The following TRPV4 variants were observed in gnomAD, a reference collection of about 807,000 sequenced individuals.
TRPV4 encodes OSM9-like transient receptor potential channel 4.
Under a neutral mutation model 84.1 loss-of-function variants are expected in TRPV4, and 58 were observed. The ratio of observed to expected loss-of-function variants is 0.69; its 90% confidence interval spans 0.56 to 0.86. The LOEUF (loss-of-function observed/expected upper bound fraction) is 0.86. Among genes scored for constraint, TRPV4 ranks in the 40% least tolerant of loss-of-function variants. TRPV4 has a pLI of 0.00. For missense variants in TRPV4, 879 were observed against 1,181.1 expected, an observed-to-expected ratio of 0.74 and a Z score of 3.75; for synonymous variants, 489 against 500.9, an observed-to-expected ratio of 0.98 and a Z score of 0.32.
intron 1 of TRPV4, among the ~76,000 whole-genome samples, chr12:109,831,680 G>A (rs1892413248): frequency 6.6e-6 from 1 of 152,218 alleles, no homozygotes; most frequent in Admixed American, 6.5e-5. Context: ...AGGTATCTGG[G>A]TTTCACCTGG....
intron 1 of TRPV4, among the ~76,000 whole-genome samples, chr12:109,822,490 C>A (rs184553761): frequency 2.6e-5 from 4 of 152,184 alleles, no homozygotes; most frequent in African/African-American, 9.7e-5. Flanking sequence ...CTGTCCACCC[C>A]CTCCCCACCT....
intron 3 of TRPV4, 136 bp from the exon 4 acceptor site, chr12:109,803,279 A>C: frequency 1.0e-5 from 11 of 1,101,540 alleles, no homozygotes; most frequent in Non-Finnish European, 1.5e-5. Context: ...CTGTTTCCTC[A>C]TCTGTCCAGT....
At chr12:109,800,068 A>G (rs527814428) in intron 5 of TRPV4, among the ~76,000 whole-genome samples, 1 of 151,960 alleles carries the variant, frequency 6.6e-6, no homozygotes, top group Non-Finnish European at 1.5e-5. Context: ...TCAGCCTCCC[A>G]AGTAGCTGGG....
rs1170824874 is a variant in TRPV4, at chr12:109,783,350, T to C, written c.*271A>G. The C allele has an allele frequency of 6.6e-6, 3 of 453,680 alleles. No homozygotes were observed. The highest frequency in any genetic ancestry group is 3.6e-5 in the East Asian group (1 of 27,676). 28.1% of individuals were successfully genotyped at this position (453,680 alleles called of 1,614,324 possible). A position where few individuals can be genotyped will look rare whatever the true frequency, so the allele number is the denominator to read the frequency against. On this transcript the variant is annotated 3_prime_UTR_variant, in exon 16 of 16. Coordinates refer to ENST00000261740, the MANE Select transcript of TRPV4 (RefSeq NM_021625.5). This position sits in a 1 kb window ranked among gnomAD's most constrained non-coding sequence, Gnocchi z 4.6. The stretch of plus-strand genomic sequence containing the variant: ...TCCTGAGAGCAGAGCAAATAAATAA[T>C]GGAGAGGCAGGGGCTGGGGCCTGAG...
intron 13 of TRPV4, among the ~76,000 whole-genome samples, chr12:109,787,824 T>C (rs778121133): frequency 6.6e-6 from 1 of 152,018 alleles, no homozygotes; most frequent in Non-Finnish European, 1.5e-5. Context: ...ACCAGGTTTG[T>C]AGGCTGCACC....
intron 3 of TRPV4, 57 bp downstream of exon 3, chr12:109,808,239 C>T: frequency 6.2e-7 from 1 of 1,603,416 alleles, no homozygotes; most frequent in Non-Finnish European, 8.5e-7. Flanking sequence ...CCCCCAATGC[C>T]AGGCTTCCCC....
chr12:109,832,456 T>A lies in TRPV4; in HGVS notation c.-32+894A>T, dbSNP rs1455424897. 4 of 152,362 alleles carry A rather than the reference T, an allele frequency of 2.6e-5. No individual in the cohort carries two copies. The South Asian group carries it at 8.3e-4, about 32-fold the overall frequency. The allele number at this position is 152,362 out of a possible 1,614,324, so 9.4% of individuals were successfully genotyped here. A position where few individuals can be genotyped will look rare whatever the true frequency, so the allele number is the denominator to read the frequency against. ...CCCCTCTGCCCCCAGCAGAGGCTCT[T>A]GTTTTAGAAGCTGAGCCAGAACAGC... On this transcript the variant is annotated intron_variant, in intron 1 of 15. Transcript: ENST00000261740.
intron 13 of TRPV4, 120 bp downstream of exon 13, chr12:109,788,280 G>A (rs762813051): frequency 2.1e-6 from 2 of 962,480 alleles, no homozygotes; most frequent in Non-Finnish European, 3.1e-6. Context: ...CAGAGAAGTG[G>A]AGGGAGAATG....
At chr12:109,827,852 A>G (rs1345666582) in intron 1 of TRPV4, among the ~76,000 whole-genome samples, 5 of 151,690 alleles carry the variant, frequency 3.3e-5, no homozygotes, top group African/African-American at 7.3e-5. Flanking sequence ...ATACACATAT[A>G]GACATACATA....
chr12:109,783,533 G>A lies in TRPV4; in HGVS notation c.*88C>T. ...TCCCTCGCCTCTGGGGCCAAAGCAG[G>A]GTGTGGGGGGACACCCCAGAAGGCA... On this transcript the variant is annotated 3_prime_UTR_variant, in exon 16 of 16. Coordinates refer to ENST00000261740, the MANE Select transcript of TRPV4 (RefSeq NM_021625.5). The surrounding 1 kb of genome is among the most constrained non-coding windows in gnomAD (Gnocchi z 4.6). 3 of 1,524,496 alleles carry A rather than the reference G, an allele frequency of 2.0e-6. No homozygotes were observed. Among genetic ancestry groups the A allele is most frequent in the Non-Finnish European group, 1.8e-6 (2 of 1,126,482 alleles). The allele number at this position is 1,524,496 out of a possible 1,614,324, so 94.4% of individuals were successfully genotyped here.
intron 1 of TRPV4, among the ~76,000 whole-genome samples, chr12:109,824,855 G>C (rs10774911): frequency 0.28 from 42,690 of 152,078 alleles, 6,686 homozygotes; most frequent in East Asian, 0.7. Context: ...TCTATAGTCT[G>C]AGAACGTTGC....
rs1890153601 is a variant in TRPV4, at chr12:109,793,217, C to G, written c.1658+310G>C. Among the ~76,000 whole-genome samples, 1 of 152,220 alleles carries G rather than the reference C, an allele frequency of 6.6e-6. No individual in the cohort carries two copies. The highest frequency in any genetic ancestry group is 2.4e-5 in the African/African-American group (1 of 41,454). ...ATCATTAATCAATCCCAACTCTTTC[C>G]CACTAAACACAGACACAGGTGCAAA... On this transcript the variant is annotated intron_variant, in intron 10 of 15. Coordinates refer to ENST00000261740, the MANE Select transcript of TRPV4 (RefSeq NM_021625.5). The surrounding 1 kb of genome is among the most constrained non-coding windows in gnomAD (Gnocchi z 4.0).
intron 1 of TRPV4, among the ~76,000 whole-genome samples, chr12:109,823,093 A>G (rs994326815): frequency 6.6e-6 from 1 of 152,192 alleles, no homozygotes; most frequent in African/African-American, 2.4e-5. Flanking sequence ...TGGCCAGGCG[A>G]AACCTACTGC....
chr12:109,798,738 G>C lies in TRPV4; in HGVS notation c.1028C>G (p.Thr343Ser). The C allele has an allele frequency of 1.2e-6, 2 of 1,614,134 alleles. No individual in the cohort carries two copies. The highest frequency in any genetic ancestry group is 2.2e-5 in the South Asian group (2 of 91,080). Residue 343 changes from threonine to serine, a missense_variant, in exon 6 of 16, where the codon ACC (threonine) becomes AGC (serine). Around this residue, in one of 4 missense-constraint regions of TRPV4, gnomAD observed 521 missense variants for 686.6 expected, o/e 0.76. Coordinates refer to ENST00000261740, the MANE Select transcript of TRPV4 (RefSeq NM_021625.5). The surrounding 1 kb of genome is among the most constrained non-coding windows in gnomAD (Gnocchi z 5.0). ...DNTRENTKFV[T>S]KMYDLLLLKC... is the part of the protein sequence containing the mutation. ...GAGCAGCAGCAGGTCGTACATCTTGGTAACAAACTTGGTGTTCTCACGGGT... is the reference window on the plus strand; with the variant it reads ...GAGCAGCAGCAGGTCGTACATCTTGCTAACAAACTTGGTGTTCTCACGGGT...
At chr12:109,789,624 A>C (rs1945933889) in intron 12 of TRPV4, among the ~76,000 whole-genome samples, 1 of 152,200 alleles carries the variant, frequency 6.6e-6, no homozygotes, top group Admixed American at 6.5e-5. Context: ...GTTTGGCAGC[A>C]ACAACCTGTC....
At chr12:109,813,918 A>G (rs1042481003) in intron 2 of TRPV4, among the ~76,000 whole-genome samples, 9 of 151,642 alleles carry the variant, frequency 5.9e-5, no homozygotes, top group Non-Finnish European at 1.0e-4. Context: ...TGGAATAATG[A>G]TGGATAGATG....
At chr12:109,824,776 C>G (rs1228816353) in intron 1 of TRPV4, among the ~76,000 whole-genome samples, 1 of 85,160 alleles carries the variant, frequency 1.2e-5, no homozygotes, top group Non-Finnish European at 2.3e-5. Context: ...AAACCTTAGG[C>G]CCGCCTTCTC....
At position 109,783,704 on chromosome 12, in the gene TRPV4, G is replaced by A. The variant is rs761138288; in HGVS notation, c.2533C>T (p.Leu845=). 1.2e-6 allele frequency: 2 copies of A among 1,613,822 alleles called. No individual in the cohort carries two copies. Among genetic ancestry groups the A allele is most frequent in the East Asian group, 4.5e-5 (2 of 44,862 alleles). Reference sequence around the variant, plus strand: ...CAGCGGGGGTTCCCCATGCTGTCCAGAGGCACCACCACCTCGTCCGGGTTC... The same window carrying A: ...CAGCGGGGGTTCCCCATGCTGTCCAAAGGCACCACCACCTCGTCCGGGTTC... ...NSNPDEVVVP[L]DSMGNPRCDG... Residue 845 remains leucine (L), a synonymous_variant, in exon 16 of 16, where the codon CTG becomes TTG. Transcript: ENST00000261740. This position sits in a 1 kb window ranked among gnomAD's most constrained non-coding sequence, Gnocchi z 4.6.
At chr12:109,819,208 C>A (rs2136689837) in intron 1 of TRPV4, among the ~76,000 whole-genome samples, 1 of 152,348 alleles carries the variant, frequency 6.6e-6, no homozygotes, top group Non-Finnish European at 1.5e-5. Context: ...GCTGTTATTA[C>A]ACATTCCAAA....
Sources: allele counts gnomAD v4.1 joint callset (sites outside exome capture counted in the v4.1 genomes callset), GRCh38; gene constraint gnomAD v4.1.1; regional missense constraint gnomAD v4.1.1; non-coding constraint Gnocchi (gnomAD v3.1); transcripts MANE v1.5; gene names NCBI Gene and HGNC (gene_info 2026-07-23, HGNC 2026-07-21).